Variants in DCHS2 observed in about 807,000 individuals in gnomAD.
DCHS2 encodes the protein protocadherin-23.
In DCHS2, 142 loss-of-function variants were observed where a neutral mutation model predicts 182.4. The observed-to-expected ratio is 0.78, with a 90% CI of 0.68 to 0.89. The LOEUF is 0.89. DCHS2 is among the 40% of genes least tolerant of loss of function. The pLI is 0.00. For synonymous variants in DCHS2, 1,740 were observed against 1,663.3 expected (o/e 1.05, Z -1.12); for missense variants, 4,319 against 4,198.6 (o/e 1.03, Z -0.79).
At chr4:154,455,304 G>T (rs2110985094) in intron 1 of DCHS2, among the ~76,000 whole-genome samples, 1 of 152,272 alleles carries the variant, frequency 6.6e-6, no homozygotes, top group South Asian at 2.1e-4. Context: ...ACTGGATCTG[G>T]GCCATTTTAT....
At chr4:154,427,684 T>A (rs185340994) in intron 1 of DCHS2, among the ~76,000 whole-genome samples, 75 of 152,008 alleles carry the variant, frequency 4.9e-4, no homozygotes, top group Non-Finnish European at 6.9e-4. Flanking sequence ...CAAGACAGAG[T>A]GAAATGAAAA....
Position 154,329,728 on chromosome 4 carries a change from G to A in DCHS2, c.3731-18C>T, listed in dbSNP as rs1485902110. 1.1e-5 allele frequency: 18 copies of A among 1,596,374 alleles called. No individual in the cohort carries two copies. The highest frequency in any genetic ancestry group is 1.2e-5 in the Non-Finnish European group (14 of 1,167,810). ...TAACTCTCCTGCAGAGTACAGAGCAGAACAAGACACAGGCACTGTGTACCA... is the reference window on the plus strand; with the variant it reads ...TAACTCTCCTGCAGAGTACAGAGCAAAACAAGACACAGGCACTGTGTACCA... On this transcript the variant is annotated intron_variant, in intron 5 of 19. Coordinates refer to ENST00000357232, the MANE Select transcript of DCHS2 (RefSeq NM_001358235.2).
intron 16 of DCHS2, among the ~76,000 whole-genome samples, chr4:154,252,031 A>G (rs80165682): frequency 0.031 from 4,668 of 151,788 alleles, 221 homozygotes; most frequent in African/African-American, 0.1. Context: ...CATATTTAGT[A>G]GAATCATGAC....
At chr4:154,463,600 T>C (rs1189111143) in intron 1 of DCHS2, among the ~76,000 whole-genome samples, 1 of 152,096 alleles carries the variant, frequency 6.6e-6, no homozygotes, top group Non-Finnish European at 1.5e-5. Flanking sequence ...GCTATTAAAA[T>C]GCTAATAGAA....
chr4:154,491,101 G>T lies in DCHS2; in HGVS notation c.255C>A (p.Asp85Glu). 5.2e-6 allele frequency: 8 copies of T among 1,551,384 alleles called. No individual in the cohort carries two copies. Among genetic ancestry groups the T allele is most frequent in the Non-Finnish European group, 6.1e-6 (7 of 1,146,954 alleles). The part of the protein sequence containing the change: ...EGLPPDTLVG[D>E]IRAGLPAAQQ... The stretch of plus-strand genomic sequence containing the variant: ...GCGCGGCCGGCAGCCCGGCGCGGAT[G>T]TCACCTACCAGCGTGTCCGGGGGAA... The change falls in exon 1 of 20, where the codon GAC becomes GAA. Residue 85 changes from aspartate (D) to glutamate (E), a missense_variant. Asp to Glu is a conservative substitution (Grantham distance 45). Transcript: ENST00000357232.
rs1053935849 is a variant in DCHS2 at position 154,348,707 on chromosome 4, A to G, written c.2477-13603T>C. Reference sequence around the variant, plus strand: ...CATAGACCAAGGAGTGCCAAAGATCACCAACAAACACCAGAAGCTAAGGGA... The same window carrying G: ...CATAGACCAAGGAGTGCCAAAGATCGCCAACAAACACCAGAAGCTAAGGGA... On this transcript the variant is annotated intron_variant, in intron 3 of 19. Coordinates refer to ENST00000357232, the MANE Select transcript of DCHS2 (RefSeq NM_001358235.2). Among the ~76,000 whole-genome samples the G allele has an allele frequency of 3.9e-5, 6 of 151,968 alleles. 1 individual carries two copies. Among genetic ancestry groups the G allele is most frequent in the African/African-American group, 1.5e-4 (6 of 41,212 alleles).
Position 154,363,335 on chromosome 4 carries a change from G to A in DCHS2, c.2476+2875C>T, listed in dbSNP as rs138064912. On this transcript the variant is annotated intron_variant, in intron 3 of 19. Transcript: ENST00000357232. ...CCAAAGGGTCCATCCATAGATAAATGGATAATGAAAATGTAGTATATATAC... is the reference window on the plus strand; with the variant it reads ...CCAAAGGGTCCATCCATAGATAAATAGATAATGAAAATGTAGTATATATAC... 2.9e-3 allele frequency among the ~76,000 whole-genome samples: 446 copies of A among 152,204 alleles called. 1 individual carries two copies. Among genetic ancestry groups the A allele is most frequent in the African/African-American group, 0.01 (424 of 41,524 alleles).
At chr4:154,430,071 CT>C (rs1485263897) in intron 1 of DCHS2, among the ~76,000 whole-genome samples, 1 of 152,106 alleles carries the variant, frequency 6.6e-6, no homozygotes, top group Admixed American at 6.6e-5. Context: ...TAGGTGTCTC[CT>C]AAATAAGCCA....
chr4:154,237,982 T>C (rs1731614771), intron 19 of DCHS2, among the ~76,000 whole-genome samples: 1 of 152,204 alleles, frequency 6.6e-6, no homozygotes, highest in Admixed American at 6.5e-5. Context: ...GTTTTAAAAA[T>C]ATTTGAATCA....
chr4:154,280,140 A>G (rs1016902873), intron 13 of DCHS2, among the ~76,000 whole-genome samples: 5 of 152,064 alleles, frequency 3.3e-5, no homozygotes, highest in African/African-American at 1.2e-4. Flanking sequence ...AAATGGATAC[A>G]TTTCTGGAAA....
intron 1 of DCHS2, among the ~76,000 whole-genome samples, chr4:154,400,147 C>CA (rs1368791709): frequency 6.6e-6 from 1 of 151,718 alleles, no homozygotes; most frequent in East Asian, 1.9e-4. Context: ...ACTAAAAATA[C>CA]AAAAAATTAG....
chr4:154,284,839 G>A (rs150630843), intron 13 of DCHS2, among the ~76,000 whole-genome samples: 32 of 152,212 alleles, frequency 2.1e-4, no homozygotes, highest in African/African-American at 4.8e-4. Flanking sequence ...GGAATTGTGC[G>A]GGGCTTGAAG....
chr4:154,386,528 T>G (rs1731428321), intron 1 of DCHS2, among the ~76,000 whole-genome samples: 1 of 152,176 alleles, frequency 6.6e-6, no homozygotes, highest in Non-Finnish European at 1.5e-5. Context: ...TCAGAGAACT[T>G]ATCTCCAAGT....
intron 1 of DCHS2, among the ~76,000 whole-genome samples, chr4:154,461,377 T>C (rs551469514): frequency 1.8e-4 from 27 of 152,272 alleles, no homozygotes; most frequent in African/African-American, 6.3e-4. Flanking sequence ...TAAAACATAG[T>C]TCTGAAACCA....
chr4:154,377,434 G>C lies in DCHS2; in HGVS notation c.2063C>G (p.Ser688Cys). Residue 688 changes from serine to cysteine, a missense_variant, in exon 2 of 20, where the codon TCT becomes TGT. Coordinates refer to ENST00000357232, the MANE Select transcript of DCHS2 (RefSeq NM_001358235.2). ...VGHCFLQVTA[S>C]DADSGLYGFI... ...GCCATAGAGTCCTGAATCTGCATCA[G>C]AGGCTGTCACCTGTGAGACAGGAGG... 2 of 1,611,848 alleles carry C rather than the reference G, an allele frequency of 1.2e-6. No individual in the cohort carries two copies. The highest frequency in any genetic ancestry group is 1.7e-6 in the Non-Finnish European group (2 of 1,178,694).
chr4:154,362,390 T>G (rs990921122), intron 3 of DCHS2, among the ~76,000 whole-genome samples: 1 of 152,192 alleles, frequency 6.6e-6, no homozygotes, highest in Non-Finnish European at 1.5e-5. Flanking sequence ...TAAGAGGCTG[T>G]AGGAAGGATT....
chr4:154,312,327 A>G (rs1028490702), intron 10 of DCHS2, among the ~76,000 whole-genome samples: 1 of 152,222 alleles, frequency 6.6e-6, no homozygotes, highest in Non-Finnish European at 1.5e-5. Flanking sequence ...GATTGAATCT[A>G]AAATGATGGA....
At chr4:154,283,608 C>T (rs1396245091) in intron 13 of DCHS2, among the ~76,000 whole-genome samples, 1 of 145,058 alleles carries the variant, frequency 6.9e-6, no homozygotes, top group Non-Finnish European at 1.5e-5. Context: ...AATTGTTGCA[C>T]TTAATTATTT....
chr4:154,452,585 C>T (rs369659934), intron 1 of DCHS2, among the ~76,000 whole-genome samples: 2 of 152,006 alleles, frequency 1.3e-5, no homozygotes, highest in Non-Finnish European at 2.9e-5. Flanking sequence ...GACTGTGCTG[C>T]TGCACTCCAG....
Sources: gnomAD v4.1 joint callset for allele counts (sites outside exome capture counted in the v4.1 genomes callset) on GRCh38, gnomAD v4.1.1 for gene constraint, MANE v1.5 for transcripts, NCBI Gene and HGNC (gene_info 2026-07-23, HGNC 2026-07-21) for gene names.